The following APOBEC3F variants were observed in gnomAD, a reference collection of about 807,000 sequenced individuals.
APOBEC3F encodes apolipoprotein B mRNA editing enzyme catalytic subunit 3F.
APOBEC3F carries 34 observed loss-of-function variants against 45.8 expected under a neutral mutation model. The ratio of observed to expected loss-of-function variants is 0.74; its 90% CI spans 0.57 to 0.99. The LOEUF is 0.99. Ranked by LOEUF, APOBEC3F falls within the 50% of genes least tolerant of loss-of-function variation. The pLI, the probability that APOBEC3F is intolerant of heterozygous loss-of-function variation, is 0.00. For missense variants in APOBEC3F, 459 were observed against 474.1 expected, an observed-to-expected ratio of 0.97 and a Z score of 0.30; for synonymous variants, 192 against 174.4, an observed-to-expected ratio of 1.10 and a Z score of -0.80.
intron 3 of APOBEC3F, 34 bp downstream of exon 3, chr22:39,045,254 G>A (rs1324257836): frequency 6.2e-7 from 1 of 1,607,280 alleles, no homozygotes; most frequent in Non-Finnish European, 8.5e-7. Context: ...AGCGTGAGCG[G>A]GAGGAACAGC....
At position 39,052,847 on chromosome 22, in the gene APOBEC3F, C is replaced by CACCTCCTCT. The variant is rs1332197324; in HGVS notation, c.*153_*161dup. The CACCTCCTCT allele has an allele frequency of 7.6e-6, 11 of 1,452,744 alleles. No homozygotes were observed. The highest frequency in any genetic ancestry group is 6.3e-6 in the Non-Finnish European group (7 of 1,108,754). The allele number at this position is 1,452,744 out of a possible 1,614,324, so 90.0% of individuals were successfully genotyped here. ...ATTCCATAGTGCTCCCCTGCCTCAC[C>CACCTCCTCT]ACCTCCTCTCCGCTCTCCCAGGCTC... On this transcript the variant is annotated 3_prime_UTR_variant, in exon 7 of 7. Transcript: ENST00000308521.
At chr22:39,044,505 G>T (rs1927102014) in intron 2 of APOBEC3F, 2 of 817,088 alleles carry the variant, frequency 2.4e-6, no homozygotes, top group Admixed American at 7.3e-5. Context: ...TGGGGGTAAA[G>T]GTTGTTGCCA....
At chr22:39,042,752 G>A (rs1163106251) in intron 1 of APOBEC3F, among the ~76,000 whole-genome samples, 185 bp from the exon 2 acceptor site, 2 of 152,148 alleles carry the variant, frequency 1.3e-5, no homozygotes, top group African/African-American at 4.8e-5. Context: ...TGCTGCCCAT[G>A]CCAGCATCCC....
intron 4 of APOBEC3F, among the ~76,000 whole-genome samples, chr22:39,046,926 C>A (rs1369390054): frequency 1.3e-5 from 2 of 152,108 alleles, no homozygotes; most frequent in Non-Finnish European, 2.9e-5. Flanking sequence ...CAACCAGAGA[C>A]CAGAGAGGCC....
intron 5 of APOBEC3F, among the ~76,000 whole-genome samples, chr22:39,051,573 A>G (rs1190756140): frequency 6.6e-6 from 1 of 151,846 alleles, no homozygotes; most frequent in African/African-American, 2.4e-5. Flanking sequence ...AAAAGAAAAA[A>G]TAAAGAGCAA....
chr22:39,042,722 G>A (rs904836747), intron 1 of APOBEC3F, among the ~76,000 whole-genome samples: 1 of 152,150 alleles, frequency 6.6e-6, no homozygotes, highest in African/African-American at 2.4e-5. Context: ...ACCCTGAGCT[G>A]GAAGAGGTCA....
Position 39,040,939 on chromosome 22 carries a change from A to G in APOBEC3F, c.-22A>G. On this transcript the variant is annotated 5_prime_UTR_variant, in exon 1 of 7. Coordinates refer to ENST00000308521, the MANE Select transcript of APOBEC3F (RefSeq NM_145298.6). The stretch of plus-strand genomic sequence containing the variant: ...CCCTGGTGCTCCAGACAAAGATCTT[A>G]GTCGGGACTAGCCGGCCAAGGATGA... 1.3e-6 allele frequency: 2 copies of G among 1,570,896 alleles called. No homozygotes were observed. Among genetic ancestry groups the G allele is most frequent in the Non-Finnish European group, 8.6e-7 (1 of 1,157,372 alleles).
chr22:39,050,618 A>G (rs560521850), intron 5 of APOBEC3F, among the ~76,000 whole-genome samples: 1 of 151,804 alleles, frequency 6.6e-6, no homozygotes, highest in East Asian at 1.9e-4. Context: ...TTCAACATAT[A>G]CTTAATATAA....
At chr22:39,041,047 C>T (rs1926857740) in intron 1 of APOBEC3F, 70 bp downstream of exon 1, 2 of 1,551,972 alleles carry the variant, frequency 1.3e-6, no homozygotes, top group Admixed American at 1.9e-5. Context: ...TGCTGGGCGT[C>T]AGCCCTGGCC....
chr22:39,045,525 G>A lies in APOBEC3F; in HGVS notation c.549G>A (p.Thr183=), dbSNP rs1254834303. ...FDDNYAFLHR[T]LKEILRNPME... is the part of the protein sequence containing the mutation. ...ACAATTATGCATTCCTGCACCGCAC[G>A]CTAAAGGAGATTCTCAGGTGAGGGT... The change falls in exon 4 of 7, where the codon ACG becomes ACA. Residue 183 remains threonine (T), a synonymous_variant. Coordinates refer to ENST00000308521, the MANE Select transcript of APOBEC3F (RefSeq NM_145298.6). 3.7e-6 allele frequency: 6 copies of A among 1,614,016 alleles called. No individual in the cohort carries two copies. The highest frequency in any genetic ancestry group is 2.7e-5 in the African/African-American group (2 of 74,914).
rs5750733 is a variant in APOBEC3F, at chr22:39,053,455, A to C, written c.*760A>C. 2 of 149,188 alleles carry C rather than the reference A, an allele frequency of 1.3e-5. No homozygotes were observed. Among genetic ancestry groups the C allele is most frequent in the East Asian group, 3.9e-4 (2 of 5,140 alleles). The allele number at this position is 149,188 out of a possible 1,614,324, so 9.2% of individuals were successfully genotyped here. ...AAAGCCCCATCTCTACAAAAAAATT[A>C]CAAAAAAAAAAAAAACAGGTGTGGT... On this transcript the variant is annotated 3_prime_UTR_variant, in exon 7 of 7. Transcript: ENST00000308521.
At position 39,043,083 on chromosome 22, in the gene APOBEC3F, G is replaced by A. The variant is rs574015835; in HGVS notation, c.164G>A (p.Arg55Gln). The A allele has an allele frequency of 1.1e-5, 17 of 1,614,112 alleles. No individual in the cohort carries two copies. The highest frequency in any genetic ancestry group is 4.4e-5 in the South Asian group (4 of 91,076). Reference protein sequence around the residue: ...SRPRLDAKIFRGQVYSQPEHH... With the variant: ...SRPRLDAKIFQGQVYSQPEHH... ...CCCCGTTTGGACGCAAAGATCTTTC[G>A]AGGCCAGGTACCACCCGGACTTCAA... Residue 55 changes from arginine to glutamine, a missense_variant, in exon 2 of 7, where the codon CGA (arginine) becomes CAA (glutamine). Physicochemically the swap from Arg to Gln is conservative, Grantham distance 43 (BLOSUM62 1). Transcript: ENST00000308521.
At chr22:39,052,452 C>T in intron 6 of APOBEC3F, 99 bp downstream of exon 6, 1 of 1,576,116 alleles carries the variant, frequency 6.3e-7, no homozygotes, top group South Asian at 1.2e-5. Context: ...TCCCGGGAAG[C>T]CTGCAGGGAT....
chr22:39,045,511 T>A lies in APOBEC3F; in HGVS notation c.535T>A (p.Phe179Ile). 1 of 1,614,140 alleles carries A rather than the reference T, an allele frequency of 6.2e-7. No homozygotes were observed. The highest frequency in any genetic ancestry group is 8.5e-7 in the Non-Finnish European group (1 of 1,179,988). ...GTACAAATTCGATGACAATTATGCATTCCTGCACCGCACGCTAAAGGAGAT... is the reference window on the plus strand; with the variant it reads ...GTACAAATTCGATGACAATTATGCAATCCTGCACCGCACGCTAAAGGAGAT... ...PWYKFDDNYAFLHRTLKEILR... is the reference protein window; with the variant it reads ...PWYKFDDNYAILHRTLKEILR... Residue 179 changes from phenylalanine (F) to isoleucine (I), a missense_variant, in exon 4 of 7, where the codon TTC becomes ATC. Coordinates refer to ENST00000308521, the MANE Select transcript of APOBEC3F (RefSeq NM_145298.6).
intron 4 of APOBEC3F, among the ~76,000 whole-genome samples, chr22:39,048,458 A>C (rs191975669): frequency 2.7e-4 from 41 of 152,242 alleles, no homozygotes; most frequent in Non-Finnish European, 4.4e-4. Context: ...GCAGATCACA[A>C]GGTCAGGAGT....
Position 39,054,320 on chromosome 22 carries a change from C to A in APOBEC3F, c.*1625C>A, listed in dbSNP as rs182151319. The stretch of plus-strand genomic sequence containing the variant: ...AATCTGGGTTCACTGCAGCCTCTGC[C>A]GCCTGAGTTCAAGCTATTTTCCTAC... On this transcript the variant is annotated 3_prime_UTR_variant, in exon 7 of 7. Transcript: ENST00000308521. Among the ~76,000 whole-genome samples the A allele has an allele frequency of 2.6e-5, 4 of 152,176 alleles. No homozygotes were observed. Among genetic ancestry groups the A allele is most frequent in the African/African-American group, 9.7e-5 (4 of 41,432 alleles).
In APOBEC3F at chr22:39,055,653, C is replaced by T. The variant is rs1426984899; in HGVS notation, c.*2958C>T. Among the ~76,000 whole-genome samples the T allele has an allele frequency of 2.0e-5, 3 of 152,126 alleles. No individual in the cohort carries two copies. The highest frequency in any genetic ancestry group is 4.4e-5 in the Non-Finnish European group (3 of 68,030). The stretch of plus-strand genomic sequence containing the variant: ...AAGATGCAGAAGTAAGATCAATGGC[C>T]AGACTGTTTGGCGCTGCTACCTGGG... On this transcript the variant is annotated 3_prime_UTR_variant, in exon 7 of 7. Transcript: ENST00000308521.
chr22:39,046,854 A>G (rs1927249065), intron 4 of APOBEC3F, among the ~76,000 whole-genome samples: 1 of 152,074 alleles, frequency 6.6e-6, no homozygotes, highest in Admixed American at 6.6e-5. Context: ...GCAAAAGAGT[A>G]GGCTTGGATA....
Position 39,052,889 on chromosome 22 carries a change from T to G in APOBEC3F, c.*194T>G. Reference sequence around the variant, plus strand: ...CCCAGGCTCTTCCTGCAGAGGCCTCTTTCTGCCTCCATGGCTATCCATCCA... The same window carrying G: ...CCCAGGCTCTTCCTGCAGAGGCCTCGTTCTGCCTCCATGGCTATCCATCCA... On this transcript the variant is annotated 3_prime_UTR_variant, in exon 7 of 7. Coordinates refer to ENST00000308521, the MANE Select transcript of APOBEC3F (RefSeq NM_145298.6). 7.8e-7 allele frequency: 1 copy of G among 1,285,316 alleles called. No individual in the cohort carries two copies. Among genetic ancestry groups the G allele is most frequent in the Non-Finnish European group, 1.0e-6 (1 of 991,368 alleles). 79.6% of individuals were successfully genotyped at this position (1,285,316 alleles called of 1,614,324 possible).
Sources: allele counts gnomAD v4.1 joint callset (sites outside exome capture counted in the v4.1 genomes callset), GRCh38; gene constraint gnomAD v4.1.1; transcripts MANE v1.5; gene names NCBI Gene and HGNC (gene_info 2026-07-23, HGNC 2026-07-21).